The following MYZAP variants were observed in gnomAD, a reference collection of about 807,000 sequenced individuals.
MYZAP encodes GRINL1A complex locus upstream.
Under a neutral mutation model 69.4 loss-of-function variants are expected in MYZAP, and 66 were observed. The ratio of observed to expected loss-of-function variants is 0.95; its 90% CI spans 0.78 to 1.17. The LOEUF (loss-of-function observed/expected upper bound fraction) is 1.17, where lower values mean the gene tolerates loss of function less well. Ranked by LOEUF, MYZAP falls within the 50% of genes most tolerant of loss-of-function variation. The probability of loss-of-function intolerance (pLI) is 0.00; values close to 1 mark genes in which losing one functional copy is unlikely to be tolerated. For synonymous variants in MYZAP, 256 were observed against 205.9 expected (o/e 1.24, Z -2.09); for missense variants, 611 against 556.2 (o/e 1.10, Z -0.99).
chr15:57,669,001 A>G (rs913529667), intron 11 of MYZAP, among the ~76,000 whole-genome samples: 7 of 150,576 alleles, frequency 4.6e-5, no homozygotes, highest in Non-Finnish European at 8.9e-5. Flanking sequence ...GTTATCTCCT[A>G]CCTCTCAGCC....
At chr15:57,664,484 C>A (rs1205336583) in intron 11 of MYZAP, among the ~76,000 whole-genome samples, 2 of 152,202 alleles carry the variant, frequency 1.3e-5, no homozygotes, top group Non-Finnish European at 1.5e-5. Flanking sequence ...GACGCTGTTC[C>A]TTGCTAATTG....
intron 4 of MYZAP, among the ~76,000 whole-genome samples, chr15:57,625,182 G>A (rs1354637055): frequency 2.6e-5 from 4 of 151,712 alleles, no homozygotes; most frequent in Non-Finnish European, 4.4e-5. Flanking sequence ...CAAGCGATTC[G>A]CCTGCCTCAG....
At chr15:57,678,041 CAAAAAAA>C (rs56102709) in intron 12 of MYZAP, among the ~76,000 whole-genome samples, 11 of 116,218 alleles carry the variant, frequency 9.5e-5, no homozygotes, top group East Asian at 2.4e-4. Flanking sequence ...TTATCTCTAC[CAAAAAAA>C]AAAAAAAAAA....
chr15:57,605,519 T>C (rs1213251363), intron 2 of MYZAP, among the ~76,000 whole-genome samples: 2 of 152,198 alleles, frequency 1.3e-5, no homozygotes, highest in Non-Finnish European at 2.9e-5. Context: ...TGTTTGATAA[T>C]GTCCCTAAGT....
At chr15:57,651,022 T>C (rs185243811) in intron 10 of MYZAP, among the ~76,000 whole-genome samples, 250 of 152,284 alleles carry the variant, frequency 1.6e-3, no homozygotes, top group East Asian at 1.7e-3. Flanking sequence ...TGGCTCCCCA[T>C]TGCCTGATCA....
chr15:57,611,392 G>A lies in MYZAP; in HGVS notation c.163-6641G>A, dbSNP rs542831566. The stretch of plus-strand genomic sequence containing the variant: ...TTTATCAGTCAAGGTTACCGAAGGT[G>A]TGTACTATACCCCTGGGTTCCAGAA... On this transcript the variant is annotated intron_variant, in intron 2 of 12. Coordinates refer to ENST00000267853, the MANE Select transcript of MYZAP (RefSeq NM_001018100.5). 4.6e-5 allele frequency among the ~76,000 whole-genome samples: 7 copies of A among 152,322 alleles called. No homozygotes were observed. The South Asian group carries it at 1.5e-3, about 32-fold the overall frequency.
intron 2 of MYZAP, among the ~76,000 whole-genome samples, chr15:57,614,467 T>C (rs1392032834): frequency 1.3e-5 from 2 of 151,944 alleles, no homozygotes; most frequent in Non-Finnish European, 2.9e-5. Context: ...GTCTGAAGGG[T>C]CAGGAAAGGC....
chr15:57,597,298 G>A (rs1234489025), intron 1 of MYZAP, among the ~76,000 whole-genome samples: 1 of 152,170 alleles, frequency 6.6e-6, no homozygotes, highest in Non-Finnish European at 1.5e-5. Context: ...AAATAGCCAT[G>A]TCGAGGCCTC....
At chr15:57,599,750 G>A (rs2034297821) in intron 1 of MYZAP, 1 of 1,263,126 alleles carries the variant, frequency 7.9e-7, no homozygotes, top group African/African-American at 1.5e-5. Flanking sequence ...TTCCCATGGG[G>A]AGATTGCGGA....
Position 57,618,125 on chromosome 15 carries a change from A to G in MYZAP, c.255A>G (p.Lys85=), listed in dbSNP as rs781138834. 2 of 1,614,124 alleles carry G rather than the reference A, an allele frequency of 1.2e-6. No individual in the cohort carries two copies. The highest frequency in any genetic ancestry group is 1.7e-6 in the Non-Finnish European group (2 of 1,180,048). ...GAAGATCAGATCAAAATCAGCAGAA[A>G]GAAATGGTGGTGTATGGGTGGTCCA... ...VVRRSDQNQQ[K]EMVVYGWSTS... The change falls in exon 3 of 13, where the codon AAA becomes AAG. Residue 85 remains lysine (K), a synonymous_variant. Coordinates refer to ENST00000267853, the MANE Select transcript of MYZAP (RefSeq NM_001018100.5).
chr15:57,662,313 C>G (rs559688534), intron 11 of MYZAP, among the ~76,000 whole-genome samples: 1 of 152,178 alleles, frequency 6.6e-6, no homozygotes, highest in African/African-American at 2.4e-5. Context: ...CTGTGTTCCT[C>G]GTTATAGTCC....
chr15:57,636,307 C>G (rs1279524287), intron 8 of MYZAP, among the ~76,000 whole-genome samples: 3 of 152,122 alleles, frequency 2.0e-5, no homozygotes, highest in African/African-American at 7.2e-5. Context: ...AGTAACAAAA[C>G]CCCAGTCAAA....
At chr15:57,651,561 A>G (rs925669397) in intron 10 of MYZAP, among the ~76,000 whole-genome samples, 10 of 152,186 alleles carry the variant, frequency 6.6e-5, no homozygotes, top group African/African-American at 2.2e-4. Context: ...AAACCTCTGA[A>G]CAGGGTGTGG....
At chr15:57,679,373 TGTTTC>T (rs1567244243) in intron 12 of MYZAP, among the ~76,000 whole-genome samples, 7,067 of 54,730 alleles carry the variant, frequency 0.13, 453 homozygotes, top group African/African-American at 0.26. Context: ...TGTGTGTGTG[TGTTTC>T]TCTCTCTCTC....
At chr15:57,646,065 A>C (rs951897616) in intron 10 of MYZAP, 7 of 958,306 alleles carry the variant, frequency 7.3e-6, no homozygotes, top group Non-Finnish European at 1.0e-5. Context: ...GTAATTAGCC[A>C]AATGGGGGTA....
intron 2 of MYZAP, among the ~76,000 whole-genome samples, chr15:57,615,001 C>T (rs1309959491): frequency 5.3e-5 from 8 of 152,168 alleles, no homozygotes; most frequent in African/African-American, 1.9e-4. Context: ...GGACCATCAG[C>T]TCCTTGGGCT....
At chr15:57,648,784 GTT>G (rs34784139) in intron 10 of MYZAP, among the ~76,000 whole-genome samples, 65 of 136,278 alleles carry the variant, frequency 4.8e-4, no homozygotes, top group Non-Finnish European at 6.4e-4. Flanking sequence ...ACTTGTTTCT[GTT>G]TTTTTTTTTT....
chr15:57,636,673 C>G (rs2036836358), intron 8 of MYZAP, among the ~76,000 whole-genome samples: 1 of 152,166 alleles, frequency 6.6e-6, no homozygotes, highest in Admixed American at 6.5e-5. Context: ...ATTTTTAGCA[C>G]AATTTCGGTT....
intron 10 of MYZAP, among the ~76,000 whole-genome samples, chr15:57,652,722 G>A (rs1054644272): frequency 3.3e-5 from 5 of 152,132 alleles, no homozygotes; most frequent in Non-Finnish European, 7.3e-5. Flanking sequence ...GGGAGACGAC[G>A]GCTGAAGCCC....
Sources: allele counts gnomAD v4.1 joint callset (sites outside exome capture counted in the v4.1 genomes callset), GRCh38; gene constraint gnomAD v4.1.1; transcripts MANE v1.5; gene names NCBI Gene and HGNC (gene_info 2026-07-23, HGNC 2026-07-21).